Variants in PDGFRA observed in about 807,000 individuals in gnomAD.
The protein encoded by PDGFRA is platelet derived growth factor receptor alpha, also known as platelet-derived growth factor receptor alpha.
A neutral mutation model predicts 121.5 loss-of-function variants in PDGFRA; 25 were observed. That is an observed-to-expected ratio of 0.21 (90% confidence interval 0.15 to 0.29). PDGFRA has a LOEUF of 0.29. Ranked by LOEUF, PDGFRA falls within the 10% of genes least tolerant of loss-of-function variation. PDGFRA has a pLI of 1.00. For synonymous variants in PDGFRA, 463 were observed against 494.8 expected (o/e 0.94, Z 0.85); for missense variants, 1,008 against 1,345.1 (o/e 0.75, Z 3.92).
chr4:54,241,689 A>G (rs1721308675), intron 1 of PDGFRA, among the ~76,000 whole-genome samples: 2 of 151,984 alleles, frequency 1.3e-5, no homozygotes, highest in African/African-American at 4.8e-5. Flanking sequence ...AGCTAGGATT[A>G]CAGGCATGCA....
intron 1 of PDGFRA, among the ~76,000 whole-genome samples, chr4:54,234,989 CG>C (rs903062343): frequency 3.3e-5 from 5 of 152,076 alleles, no homozygotes; most frequent in African/African-American, 1.2e-4. Context: ...GATGGAGCTC[CG>C]GGAGATCAAA....
At chr4:54,278,630 C>A in intron 15 of PDGFRA, 115 bp downstream of exon 15, 1 of 1,020,910 alleles carries the variant, frequency 9.8e-7, no homozygotes, top group Non-Finnish European at 1.5e-6. Context: ...GGTAGCAAGA[C>A]TTAGAGTCAA....
intron 12 of PDGFRA, among the ~76,000 whole-genome samples, chr4:54,275,686 C>T (rs375071054): frequency 2.0e-5 from 3 of 152,214 alleles, no homozygotes; most frequent in African/African-American, 7.2e-5. Flanking sequence ...TTGCAAAATA[C>T]AGAAGAGTTT....
intron 21 of PDGFRA, 44 bp downstream of exon 21, chr4:54,289,158 A>C: frequency 1.9e-6 from 2 of 1,073,716 alleles, no homozygotes; most frequent in South Asian, 2.5e-5. Context: ...TAAAGCTGGA[A>C]GTTATACCAG....
chr4:54,250,462 A>G (rs1354471625), intron 1 of PDGFRA, among the ~76,000 whole-genome samples: 1 of 152,208 alleles, frequency 6.6e-6, no homozygotes, highest in African/African-American at 2.4e-5. Context: ...ATAAAATGCT[A>G]TTTGGCTTTC....
At chr4:54,283,835 C>G (rs1724185963) in intron 16 of PDGFRA, among the ~76,000 whole-genome samples, 1 of 152,134 alleles carries the variant, frequency 6.6e-6, no homozygotes, top group Non-Finnish European at 1.5e-5. Flanking sequence ...CTCTTGGACT[C>G]AAGCAATCCT....
chr4:54,270,622 T>TTTTTTAAAAGGTATCGAAGCAAATTAAA lies in PDGFRA; in HGVS notation c.1122-10_1139dup, dbSNP rs753349064. ...CTACTGCTTGTTGAAACAAAATCCT[T>TTTTTTAAAAGGTATCGAAGCAAATTAAA]TTTTTAAAAGGTATCGAAGCAAATT... is the stretch of plus-strand genomic sequence containing the variant. On this transcript the variant is annotated splice_polypyrimidine_tract_variant and intron_variant, in intron 7 of 22. Transcript: ENST00000257290. The TTTTTTAAAAGGTATCGAAGCAAATTAAA allele has an allele frequency of 6.6e-7, 1 of 1,513,840 alleles. No homozygotes were observed. Among genetic ancestry groups the TTTTTTAAAAGGTATCGAAGCAAATTAAA allele is most frequent in the Non-Finnish European group, 9.2e-7 (1 of 1,089,426 alleles). The allele number at this position is 1,513,840 out of a possible 1,614,324, so 93.8% of individuals were successfully genotyped here. A position where few individuals can be genotyped will look rare whatever the true frequency, so the allele number is the denominator to read the frequency against.
In PDGFRA at chr4:54,296,355, G is replaced by T; in HGVS notation, c.*1083G>T. 1 of 204,142 alleles carries T rather than the reference G, an allele frequency of 4.9e-6. No homozygotes were observed. 12.6% of individuals were successfully genotyped at this position (204,142 alleles called of 1,614,324 possible). On this transcript the variant is annotated 3_prime_UTR_variant, in exon 23 of 23. Transcript: ENST00000257290. ...AAATATAATGATCAGCAAAAAGACT[G>T]GATTTGCAGAAGTTTTTTTTTTTTT...
At chr4:54,261,911 ATATATATATATATATATATATTTT>A (rs1722744409) in intron 3 of PDGFRA, among the ~76,000 whole-genome samples, 1 of 53,912 alleles carries the variant, frequency 1.9e-5, no homozygotes. Context: ...ATATATATAT[ATATATATATATATATATATATTTT>A]TTTTTTTTTT....
At chr4:54,238,299 T>A (rs1297076444) in intron 1 of PDGFRA, among the ~76,000 whole-genome samples, 1 of 152,190 alleles carries the variant, frequency 6.6e-6, no homozygotes, top group African/African-American at 2.4e-5. Context: ...TAGGCTATTA[T>A]CTTCTGGATC....
chr4:54,280,675 A>G (rs1214429523), intron 16 of PDGFRA, 193 bp downstream of exon 16: 1 of 486,264 alleles, frequency 2.1e-6, no homozygotes, highest in Non-Finnish European at 3.7e-6. Flanking sequence ...AAAGAATAAA[A>G]GCTGACAATG....
intron 16 of PDGFRA, among the ~76,000 whole-genome samples, chr4:54,283,386 G>A (rs1431521330): frequency 1.3e-5 from 2 of 152,256 alleles, no homozygotes; most frequent in African/African-American, 4.8e-5. Context: ...GTTTATGGCT[G>A]TCACAAGCTG....
At chr4:54,285,096 A>G (rs1299011265) in intron 16 of PDGFRA, among the ~76,000 whole-genome samples, 2 of 151,350 alleles carry the variant, frequency 1.3e-5, no homozygotes, top group Non-Finnish European at 2.9e-5. Flanking sequence ...GGGTTTTACC[A>G]TGTTGGCCAG....
At chr4:54,280,723 AG>A (rs1191524917) in intron 16 of PDGFRA, 1 of 354,162 alleles carries the variant, frequency 2.8e-6, no homozygotes, top group Admixed American at 4.1e-5. Context: ...ATAGTTTTAA[AG>A]AATTTTCTTG....
At chr4:54,268,238 G>T (rs1189349956) in intron 7 of PDGFRA, among the ~76,000 whole-genome samples, 1 of 152,200 alleles carries the variant, frequency 6.6e-6, no homozygotes, top group Non-Finnish European at 1.5e-5. Flanking sequence ...AGAGAGATGT[G>T]CAGTGAGTTG....
At chr4:54,247,337 A>G (rs755417426) in intron 1 of PDGFRA, among the ~76,000 whole-genome samples, 11 of 152,152 alleles carry the variant, frequency 7.2e-5, no homozygotes, top group Non-Finnish European at 1.0e-4. Context: ...ACTGGCAAAC[A>G]GAATCCAGCA....
chr4:54,267,483 T>C (rs1723099060), intron 6 of PDGFRA, 23 bp downstream of exon 6: 5 of 1,614,044 alleles, frequency 3.1e-6, no homozygotes, highest in Non-Finnish European at 4.2e-6. Flanking sequence ...TTCTAAAATG[T>C]CAGTTGTCCA....
chr4:54,278,880 C>G, intron 15 of PDGFRA: 1 of 474,586 alleles, frequency 2.1e-6, no homozygotes, highest in South Asian at 1.5e-5. Context: ...TCTCCAAGCT[C>G]GAGGTCCTTG....
chr4:54,236,495 A>G (rs1277190938), intron 1 of PDGFRA, among the ~76,000 whole-genome samples: 1 of 152,214 alleles, frequency 6.6e-6, no homozygotes, highest in East Asian at 1.9e-4. Context: ...AGTTATAGAT[A>G]AGTAATGACA....
Sources: allele counts gnomAD v4.1 joint callset (sites outside exome capture counted in the v4.1 genomes callset), GRCh38; gene constraint gnomAD v4.1.1; transcripts MANE v1.5; gene names NCBI Gene and HGNC (gene_info 2026-07-23, HGNC 2026-07-21).